Variants in USP37 observed in about 807,000 individuals in gnomAD.
USP37 encodes ubiquitin carboxyl-terminal hydrolase 37.
Under a neutral mutation model 124.0 loss-of-function variants are expected in USP37, and 27 were observed. That is an observed-to-expected ratio of 0.22 (90% confidence interval 0.16 to 0.30). The LOEUF (loss-of-function observed/expected upper bound fraction) is 0.30. USP37 is among the 10% of genes least tolerant of loss of function. USP37 has a pLI of 1.00. For missense variants in USP37, 889 were observed against 1,140.4 expected (o/e 0.78, Z 3.17); for synonymous variants, 365 against 388.0 (o/e 0.94, Z 0.70).
chr2:218,461,570 T>C (rs987808268), intron 22 of USP37, among the ~76,000 whole-genome samples: 2 of 151,652 alleles, frequency 1.3e-5, no homozygotes, highest in Admixed American at 6.6e-5. Context: ...AGAATATAGC[T>C]TCAAAATTCT....
At chr2:218,466,469 C>G (rs534524061) in intron 20 of USP37, among the ~76,000 whole-genome samples, 1 of 151,996 alleles carries the variant, frequency 6.6e-6, no homozygotes, top group South Asian at 2.1e-4. Context: ...TAGCATCCAC[C>G]CTCTACAGTT....
chr2:218,519,999 G>C (rs1323255895), intron 10 of USP37, among the ~76,000 whole-genome samples: 1 of 152,048 alleles, frequency 6.6e-6, no homozygotes, highest in Non-Finnish European at 1.5e-5. Flanking sequence ...GTACAATGGT[G>C]CGATCTAGGC....
intron 11 of USP37, among the ~76,000 whole-genome samples, chr2:218,506,511 G>A (rs1157897482): frequency 6.6e-6 from 1 of 150,800 alleles, no homozygotes; most frequent in Admixed American, 6.6e-5. Context: ...GGTTGGTCTC[G>A]AACTCCTGAC....
Position 218,495,777 on chromosome 2 carries a change from G to A in USP37, c.1455C>T (p.His485=). 6.2e-7 allele frequency: 1 copy of A among 1,611,968 alleles called. No individual in the cohort carries two copies. Among genetic ancestry groups the A allele is most frequent in the South Asian group, 1.1e-5 (1 of 90,606 alleles). ...VITNLEFEVQ[H]SIICKACGEI... Reference sequence around the variant, plus strand: ...CTACTTACGCTTTACAAATGATGGAGTGCTGAACCTCAAACTCCAAATTAG... The same window carrying A: ...CTACTTACGCTTTACAAATGATGGAATGCTGAACCTCAAACTCCAAATTAG... The change falls in exon 14 of 26, where the codon CAC becomes CAT. Residue 485 remains histidine (H), a synonymous_variant. Coordinates refer to ENST00000258399, the MANE Select transcript of USP37 (RefSeq NM_020935.3).
At chr2:218,495,314 A>T (rs1453766409) in intron 14 of USP37, among the ~76,000 whole-genome samples, 1 of 151,946 alleles carries the variant, frequency 6.6e-6, no homozygotes, top group Admixed American at 6.6e-5. Context: ...CCTAATTTTT[A>T]TATATTTTGT....
At chr2:218,465,479 A>G (rs1208097342) in intron 21 of USP37, among the ~76,000 whole-genome samples, 6 of 152,240 alleles carry the variant, frequency 3.9e-5, no homozygotes. Context: ...GGAATAATCT[A>G]TAATACCCCA....
At chr2:218,525,641 T>A (rs1690914195) in intron 10 of USP37, among the ~76,000 whole-genome samples, 1 of 152,222 alleles carries the variant, frequency 6.6e-6, no homozygotes, top group Admixed American at 6.5e-5. Context: ...TCCACTTTTA[T>A]AGAGGATGTA....
chr2:218,539,126 C>T (rs1454649745), intron 8 of USP37, among the ~76,000 whole-genome samples: 1 of 151,888 alleles, frequency 6.6e-6, no homozygotes, highest in Non-Finnish European at 1.5e-5. Flanking sequence ...TATCACCACA[C>T]CCAGCTAATT....
chr2:218,520,985 G>A (rs1690580734), intron 10 of USP37, among the ~76,000 whole-genome samples: 1 of 152,108 alleles, frequency 6.6e-6, no homozygotes, highest in Admixed American at 6.5e-5. Context: ...CACTATCCTG[G>A]TGCTAAACTT....
At chr2:218,555,982 C>T (rs1054085929) in intron 4 of USP37, among the ~76,000 whole-genome samples, 18 of 152,152 alleles carry the variant, frequency 1.2e-4, no homozygotes, top group Non-Finnish European at 7.3e-5. Context: ...CTTTTCCTTA[C>T]TTTCATTCCT....
chr2:218,466,090 A>G lies in USP37; in HGVS notation c.2386T>C (p.Trp796Arg). 6.2e-7 allele frequency: 1 copy of G among 1,614,068 alleles called. No homozygotes were observed. The highest frequency in any genetic ancestry group is 8.5e-7 in the Non-Finnish European group (1 of 1,180,004). ...TPEGSQGEVDWLQQYDMERER... is the reference protein window; with the variant it reads ...TPEGSQGEVDRLQQYDMERER... ...CGCTCCATATCATACTGCTGGAGCC[A>G]ATCAACTTCTCCCTGAGATCCTTCT... is the stretch of plus-strand genomic sequence containing the variant. The change falls in exon 21 of 26, where the codon TGG becomes CGG. Residue 796 changes from tryptophan (W) to arginine (R), a missense_variant. Trp to Arg is a moderately radical substitution (Grantham distance 101). This residue lies in a region of USP37 where 504 missense variants were observed against 714.3 expected (regional missense o/e 0.71). Coordinates refer to ENST00000258399, the MANE Select transcript of USP37 (RefSeq NM_020935.3).
intron 10 of USP37, among the ~76,000 whole-genome samples, chr2:218,526,389 C>G (rs1418014199): frequency 6.6e-6 from 1 of 152,010 alleles, no homozygotes; most frequent in African/African-American, 2.4e-5. Flanking sequence ...CCTGCCACCA[C>G]GCCCAGCTAA....
intron 16 of USP37, 114 bp from the exon 17 acceptor site, chr2:218,482,348 C>T: frequency 8.4e-7 from 1 of 1,188,640 alleles, no homozygotes; most frequent in Non-Finnish European, 1.1e-6. Context: ...ATCCATTTGG[C>T]CAAACCAAAG....
Position 218,496,155 on chromosome 2 carries a change from G to A in USP37, c.1282-205C>T, listed in dbSNP as rs185280333. 4.6e-5 allele frequency among the ~76,000 whole-genome samples: 7 copies of A among 152,124 alleles called. No homozygotes were observed. In the East Asian group the frequency reaches 1.4e-3, roughly 29 times the overall value. On this transcript the variant is annotated intron_variant, in intron 13 of 25. Transcript: ENST00000258399. ...TTAAAAATACAAAAATTAGCCAGGT[G>A]TGGTGGCAGTCCCTGTAATCCCAGC...
chr2:218,466,368 C>T (rs1574842367), intron 20 of USP37, among the ~76,000 whole-genome samples, 192 bp from the exon 21 acceptor site: 1 of 152,044 alleles, frequency 6.6e-6, no homozygotes, highest in East Asian at 1.9e-4. Flanking sequence ...TTGGGTGGGA[C>T]AAGCTTTTGT....
chr2:218,543,653 A>C (rs1306873113), intron 8 of USP37, among the ~76,000 whole-genome samples: 5 of 151,958 alleles, frequency 3.3e-5, no homozygotes, highest in Admixed American at 2.0e-4. Flanking sequence ...TCTACTAAAA[A>C]TACAAAAAAT....
chr2:218,532,960 T>A (rs1048773617), intron 9 of USP37, among the ~76,000 whole-genome samples: 25 of 152,048 alleles, frequency 1.6e-4, no homozygotes, highest in African/African-American at 5.5e-4. Flanking sequence ...TATTATTTTT[T>A]TTTTAGACAT....
chr2:218,484,508 G>A (rs1284129854), intron 16 of USP37, among the ~76,000 whole-genome samples: 1 of 152,046 alleles, frequency 6.6e-6, no homozygotes, highest in African/African-American at 2.4e-5. Context: ...TGTAATCCCA[G>A]CTACTCGGGA....
chr2:218,473,161 G>A (rs1690786263), intron 20 of USP37: 1 of 152,156 alleles, frequency 6.6e-6, no homozygotes, highest in Admixed American at 6.5e-5. Flanking sequence ...CCCTTGAAGT[G>A]CATGATATAG....
Sources: gnomAD v4.1 joint callset for allele counts (sites outside exome capture counted in the v4.1 genomes callset) on GRCh38, gnomAD v4.1.1 for gene constraint, gnomAD v4.1.1 regional missense constraint, MANE v1.5 for transcripts, NCBI Gene and HGNC (gene_info 2026-07-23, HGNC 2026-07-21) for gene names.